Variants in PGM5 observed in about 807,000 individuals in gnomAD.
The protein encoded by PGM5 is phosphoglucomutase 5, also known as phosphoglucomutase-like protein 5.
A neutral mutation model predicts 59.2 loss-of-function variants in PGM5; 23 were observed. The observed-to-expected ratio is 0.39, with a 90% CI of 0.28 to 0.55. The LOEUF is 0.55. PGM5 is among the 20% of genes least tolerant of loss of function. The pLI is 0.66. For synonymous variants in PGM5, 214 were observed against 286.0 expected (o/e 0.75, Z 2.54); for missense variants, 574 against 748.3 (o/e 0.77, Z 2.72).
intron 6 of PGM5, chr9:68,400,791 G>A (rs1447876508): frequency 6.6e-6 from 1 of 152,508 alleles, no homozygotes; most frequent in Non-Finnish European, 1.5e-5. Flanking sequence ...GACGCTCTTA[G>A]CAAATACAGC....
At chr9:68,396,872 G>A (rs1822519114) in intron 6 of PGM5, 1 of 152,180 alleles carries the variant, frequency 6.6e-6, no homozygotes, top group Non-Finnish European at 1.5e-5. Flanking sequence ...AATAACAACT[G>A]AGGACACAGT....
In PGM5 at chr9:68,507,760, G is replaced by A. The variant is rs190416708; in HGVS notation, c.1614+8399G>A. Among the ~76,000 whole-genome samples, 121 of 152,220 alleles carry A rather than the reference G, an allele frequency of 7.9e-4. No homozygotes were observed. The Middle Eastern group carries it at 0.01, about 13-fold the overall frequency. On this transcript the variant is annotated intron_variant, in intron 10 of 10. Coordinates refer to ENST00000396396, the MANE Select transcript of PGM5 (RefSeq NM_021965.4). ...ATAGGTTTTTTTCTATTTCTGCTTAGATGAGTACTTTCTGGAAAGGCAGAC... is the reference window on the plus strand; with the variant it reads ...ATAGGTTTTTTTCTATTTCTGCTTAAATGAGTACTTTCTGGAAAGGCAGAC...
intron 6 of PGM5, chr9:68,405,709 C>G (rs1344717852): frequency 6.5e-6 from 1 of 153,696 alleles, no homozygotes; most frequent in Non-Finnish European, 1.5e-5. Flanking sequence ...TTCCCTTCCT[C>G]CCCACCTTGC....
At chr9:68,482,795 A>T (rs1431780454) in intron 8 of PGM5, among the ~76,000 whole-genome samples, 1 of 152,240 alleles carries the variant, frequency 6.6e-6, no homozygotes, top group Non-Finnish European at 1.5e-5. Flanking sequence ...GGCAAATAAA[A>T]GTTGTTAGCT....
rs563636922 is a variant in PGM5, at chr9:68,381,632, C to G, written c.425-2766C>G. Among the ~76,000 whole-genome samples, 450 of 139,132 alleles carry G rather than the reference C, an allele frequency of 3.2e-3. 5 individuals are homozygous for G. Among genetic ancestry groups the G allele is most frequent in the African/African-American group, 0.013 (427 of 32,386 alleles). 91.3% of individuals were successfully genotyped at this position (139,132 alleles called of 152,430 possible). On this transcript the variant is annotated intron_variant, in intron 2 of 10. Transcript: ENST00000396396. ...CTATATATAGAGAATTCTAAAGATT[C>G]TACACATGCACACACACACACACAC...
intron 1 of PGM5, among the ~76,000 whole-genome samples, chr9:68,371,079 G>A (rs1393844799): frequency 6.6e-6 from 1 of 152,088 alleles, no homozygotes; most frequent in Non-Finnish European, 1.5e-5. Flanking sequence ...CAGTGGACTA[G>A]GGTCCACTTT....
At chr9:68,482,172 A>T (rs1288727715) in intron 8 of PGM5, among the ~76,000 whole-genome samples, 1 of 152,098 alleles carries the variant, frequency 6.6e-6, no homozygotes, top group African/African-American at 2.4e-5. Flanking sequence ...AGATCTGATG[A>T]TTCTCAACCC....
At chr9:68,507,046 A>G (rs1177111357) in intron 10 of PGM5, among the ~76,000 whole-genome samples, 2 of 152,218 alleles carry the variant, frequency 1.3e-5, no homozygotes, top group African/African-American at 4.8e-5. Context: ...TAAAAAGAAA[A>G]CCTGAGCAAG....
intron 6 of PGM5, among the ~76,000 whole-genome samples, chr9:68,463,675 C>T (rs900719517): frequency 6.6e-6 from 1 of 152,140 alleles, no homozygotes; most frequent in Non-Finnish European, 1.5e-5. Flanking sequence ...TGGAACAATA[C>T]AGTATATACA....
At chr9:68,431,149 C>G (rs1823339723) in intron 6 of PGM5, among the ~76,000 whole-genome samples, 1 of 152,220 alleles carries the variant, frequency 6.6e-6, no homozygotes, top group African/African-American at 2.4e-5. Flanking sequence ...ATTCAATTTA[C>G]AGATCCTAGC....
At chr9:68,398,393 A>G (rs1326468696) in intron 6 of PGM5, 2 of 152,110 alleles carry the variant, frequency 1.3e-5, no homozygotes, top group East Asian at 1.9e-4. Context: ...GGTCTAAGGA[A>G]CGGATGAGGT....
intron 6 of PGM5, chr9:68,393,937 G>A (rs1822430106): frequency 6.6e-6 from 1 of 151,970 alleles, no homozygotes; most frequent in Non-Finnish European, 1.5e-5. Flanking sequence ...ATAACAAGAA[G>A]GAATGAAATA....
Position 68,391,524 on chromosome 9 carries a change from C to T in PGM5, c.698-10C>T, listed in dbSNP as rs782165702. The T allele has an allele frequency of 6.8e-6, 11 of 1,612,682 alleles. No homozygotes were observed. The highest frequency in any genetic ancestry group is 9.3e-6 in the Non-Finnish European group (11 of 1,179,420). On this transcript the variant is annotated splice_polypyrimidine_tract_variant and intron_variant, in intron 4 of 10. Coordinates refer to ENST00000396396, the MANE Select transcript of PGM5 (RefSeq NM_021965.4). ...GCAAATATTTAATATTGCTGTGTAT[C>T]TATTTTTAGTTATGGGACCTTATGT...
Position 68,387,571 on chromosome 9 carries a change from T to C in PGM5, c.680T>C (p.Ile227Thr), listed in dbSNP as rs146201017. The change falls in exon 4 of 11, where the codon ATT becomes ACT. Residue 227 changes from isoleucine to threonine, a missense_variant. Ile to Thr is a moderately conservative substitution (Grantham distance 89). This residue lies in a region of PGM5 where 103 missense variants were observed against 112.4 expected (regional missense o/e 0.92). Coordinates refer to ENST00000396396, the MANE Select transcript of PGM5 (RefSeq NM_021965.4). ...LTGPSQLKIR[I>T]DAMHGVMGPY... ...GGACCCAGCCAACTGAAGATTCGCA[T>C]TGACGCAATGCACGGAGGTAAGCTT... 13 of 1,611,960 alleles carry C rather than the reference T, an allele frequency of 8.1e-6. No individual in the cohort carries two copies. In the African/African-American group the frequency reaches 1.6e-4, roughly 20 times the overall value.
intron 10 of PGM5, among the ~76,000 whole-genome samples, chr9:68,508,697 C>A (rs1333443632): frequency 2.0e-5 from 3 of 152,238 alleles, no homozygotes; most frequent in African/African-American, 7.2e-5. Context: ...GGTCACTGGT[C>A]ATCACTTCTC....
chr9:68,452,000 A>T (rs185619360), intron 6 of PGM5, among the ~76,000 whole-genome samples: 14 of 152,358 alleles, frequency 9.2e-5, no homozygotes, highest in Admixed American at 9.1e-4. Context: ...AAATTACTGG[A>T]TCTTGAAGAA....
intron 9 of PGM5, among the ~76,000 whole-genome samples, chr9:68,493,600 A>G (rs1348029487): frequency 2.0e-5 from 3 of 152,196 alleles, no homozygotes; most frequent in Non-Finnish European, 4.4e-5. Context: ...TTCTTTCAGG[A>G]TGTTAAGATC....
At chr9:68,498,692 G>C (rs1554688376) in intron 9 of PGM5, 1 of 153,020 alleles carries the variant, frequency 6.5e-6, no homozygotes, top group Non-Finnish European at 1.5e-5. Context: ...GAGGATGGCA[G>C]TGTACTTGGC....
chr9:68,433,251 G>A (rs931790618), intron 6 of PGM5, among the ~76,000 whole-genome samples: 2 of 152,212 alleles, frequency 1.3e-5, no homozygotes, highest in Non-Finnish European at 2.9e-5. Context: ...TTCATGTTGG[G>A]CAAGCTGCTT....
Sources: gnomAD v4.1 joint callset for allele counts (sites outside exome capture counted in the v4.1 genomes callset) on GRCh38, gnomAD v4.1.1 for gene constraint, gnomAD v4.1.1 regional missense constraint, MANE v1.5 for transcripts, NCBI Gene and HGNC (gene_info 2026-07-23, HGNC 2026-07-21) for gene names.